XKR6: variants seen among roughly 807,000 people sequenced by gnomAD.
The protein encoded by XKR6 is XK-related protein 6.
A neutral mutation model predicts 56.7 loss-of-function variants in XKR6; 22 were observed. The observed-to-expected ratio is 0.39, with a 90% CI of 0.28 to 0.55. The LOEUF (loss-of-function observed/expected upper bound fraction) is 0.55, where lower values mean the gene tolerates loss of function less well. Ranked by LOEUF, XKR6 falls within the 20% of genes least tolerant of loss-of-function variation. The pLI is 0.66. For synonymous variants in XKR6, 524 were observed against 387.8 expected (o/e 1.35, Z -4.13); for missense variants, 852 against 889.0 (o/e 0.96, Z 0.53).
At chr8:11,051,271 C>T (rs569094363) in intron 1 of XKR6, among the ~76,000 whole-genome samples, 6 of 152,240 alleles carry the variant, frequency 3.9e-5, no homozygotes, top group East Asian at 3.9e-4. Flanking sequence ...ACCTCCTGTC[C>T]TCCAGGTATG....
In XKR6 at chr8:11,038,613, C is replaced by T. The variant is rs180810762; in HGVS notation, c.765-113783G>A. On this transcript the variant is annotated intron_variant, in intron 1 of 2. Transcript: ENST00000416569. ...GCAGTTGTATGATCACAGCTCACTGCAGCCTCAAACTACCAGGCTCAGATG... is the reference window on the plus strand; with the variant it reads ...GCAGTTGTATGATCACAGCTCACTGTAGCCTCAAACTACCAGGCTCAGATG... 2.3e-3 allele frequency among the ~76,000 whole-genome samples: 356 copies of T among 151,734 alleles called. 3 individuals are homozygous for T. The highest frequency in any genetic ancestry group is 3.5e-3 in the Non-Finnish European group (237 of 67,970).
intron 1 of XKR6, chr8:11,123,617 A>G (rs1799587962): frequency 3.2e-6 from 1 of 315,816 alleles, no homozygotes; most frequent in Non-Finnish European, 6.3e-6. Context: ...TCAAGTGTGC[A>G]GAGTTTAAGA....
intron 1 of XKR6, among the ~76,000 whole-genome samples, chr8:11,070,884 C>A (rs1226124396): frequency 6.6e-6 from 1 of 152,192 alleles, no homozygotes; most frequent in Non-Finnish European, 1.5e-5. Context: ...CTCATTCCTC[C>A]TGCTGAACCC....
chr8:10,919,192 C>T (rs551209287), intron 2 of XKR6, among the ~76,000 whole-genome samples: 12 of 152,324 alleles, frequency 7.9e-5, no homozygotes, highest in African/African-American at 2.4e-4. Context: ...GGCTTTCCTT[C>T]CCTCAGGGCC....
intron 1 of XKR6, among the ~76,000 whole-genome samples, chr8:11,038,515 G>GTGTGTGTGTGTGTGTGTT (rs1245380897): frequency 1.4e-5 from 2 of 146,976 alleles, no homozygotes; most frequent in East Asian, 3.9e-4. Context: ...GTGTGTGTGT[G>GTGTGTGTGTGTGTGTGTT]TGTGTGTGTG....
chr8:11,138,342 G>A (rs1800512064), intron 1 of XKR6: 1 of 152,330 alleles, frequency 6.6e-6, no homozygotes, highest in Non-Finnish European at 1.5e-5. Flanking sequence ...AGAGGACACT[G>A]GTCAGGCATC....
chr8:11,144,414 G>A (rs1402860651), intron 1 of XKR6, among the ~76,000 whole-genome samples: 2 of 151,304 alleles, frequency 1.3e-5, no homozygotes, highest in Non-Finnish European at 2.9e-5. Flanking sequence ...GAGACAGAGG[G>A]GTCTGCTGGA....
At chr8:11,115,377 A>C (rs1175550314) in intron 1 of XKR6, among the ~76,000 whole-genome samples, 1 of 152,234 alleles carries the variant, frequency 6.6e-6, no homozygotes, top group African/African-American at 2.4e-5. Context: ...TTTTAAGAGT[A>C]ATTCATTCAA....
At chr8:11,173,396 T>C (rs1368669529) in intron 1 of XKR6, among the ~76,000 whole-genome samples, 6 of 149,648 alleles carry the variant, frequency 4.0e-5, no homozygotes, top group East Asian at 1.9e-4. Flanking sequence ...CAAATATATA[T>C]ACATATATAT....
At chr8:11,193,406 T>C (rs1803690888) in intron 1 of XKR6, among the ~76,000 whole-genome samples, 1 of 151,660 alleles carries the variant, frequency 6.6e-6, no homozygotes, top group Non-Finnish European at 1.5e-5. Flanking sequence ...ATTAAAATAA[T>C]ACAATATACC....
chr8:10,995,866 A>C (rs1798100753), intron 1 of XKR6, among the ~76,000 whole-genome samples: 1 of 152,178 alleles, frequency 6.6e-6, no homozygotes, highest in African/African-American at 2.4e-5. Flanking sequence ...TCTTTGGTGA[A>C]GACCATCATG....
chr8:11,183,885 G>A (rs974170889), intron 1 of XKR6, among the ~76,000 whole-genome samples: 2 of 152,246 alleles, frequency 1.3e-5, no homozygotes, highest in African/African-American at 2.4e-5. Context: ...ACTTTTGGAA[G>A]CAATGTACAT....
intron 1 of XKR6, among the ~76,000 whole-genome samples, chr8:11,011,079 G>T (rs542631871): frequency 1.3e-5 from 2 of 152,356 alleles, no homozygotes; most frequent in Admixed American, 6.5e-5. Flanking sequence ...TGAGGCTTGG[G>T]CCAGCTCAGT....
chr8:11,036,015 C>T (rs1799134307), intron 1 of XKR6, among the ~76,000 whole-genome samples: 1 of 139,254 alleles, frequency 7.2e-6, no homozygotes, highest in Admixed American at 8.4e-5. Flanking sequence ...GCAGTCACAA[C>T]TCACTGCAGC....
At chr8:11,009,285 C>A (rs1019999508) in intron 1 of XKR6, among the ~76,000 whole-genome samples, 3 of 152,148 alleles carry the variant, frequency 2.0e-5, no homozygotes, top group Non-Finnish European at 4.4e-5. Flanking sequence ...CCAAGGTGAG[C>A]AGATTGCTTG....
intron 1 of XKR6, chr8:11,109,518 C>T (rs565879741): frequency 1.3e-5 from 2 of 152,204 alleles, no homozygotes; most frequent in East Asian, 3.8e-4. Context: ...TATCCAACAT[C>T]AGAACGCCCA....
intron 1 of XKR6, among the ~76,000 whole-genome samples, chr8:11,092,497 G>T (rs1432040441): frequency 6.6e-6 from 1 of 152,208 alleles, no homozygotes; most frequent in African/African-American, 2.4e-5. Flanking sequence ...TGGCTGGAAA[G>T]ATCTGATGCT....
At chr8:11,062,519 C>T (rs1409967936) in intron 1 of XKR6, 2 of 354,568 alleles carry the variant, frequency 5.6e-6, no homozygotes, top group South Asian at 2.2e-5. Context: ...CACCATCTCT[C>T]CTCTACCTGC....
intron 2 of XKR6, among the ~76,000 whole-genome samples, chr8:10,920,501 G>A (rs1347061685): frequency 2.0e-5 from 3 of 152,244 alleles, no homozygotes; most frequent in East Asian, 3.8e-4. Flanking sequence ...AGGCACCCAT[G>A]TGACTGGGAG....
Sources: allele counts gnomAD v4.1 joint callset (sites outside exome capture counted in the v4.1 genomes callset), GRCh38; gene constraint gnomAD v4.1.1; transcripts MANE v1.5; gene names NCBI Gene and HGNC (gene_info 2026-07-23, HGNC 2026-07-21).